The following COL23A1 variants were observed in gnomAD, a reference collection of about 807,000 sequenced individuals.
COL23A1 encodes collagen type XXIII alpha 1 chain.
In COL23A1, 97 loss-of-function variants were observed where a neutral mutation model predicts 99.3. The observed-to-expected ratio is 0.98, with a 90% CI of 0.83 to 1.16. COL23A1 has a LOEUF of 1.16. Ranked by LOEUF, COL23A1 falls within the 50% of genes most tolerant of loss-of-function variation. The pLI is 0.00. For synonymous variants in COL23A1, 320 were observed against 308.2 expected, an observed-to-expected ratio of 1.04 and a Z score of -0.40; for missense variants, 762 against 757.4, an observed-to-expected ratio of 1.01 and a Z score of -0.07.
intron 25 of COL23A1, among the ~76,000 whole-genome samples, chr5:178,244,816 TC>T (rs1764582957): frequency 6.8e-6 from 1 of 147,508 alleles, no homozygotes; most frequent in South Asian, 2.2e-4. Context: ...GGCTAATACT[TC>T]CCTTCCTCTT....
At chr5:178,454,225 C>T (rs1767645294) in intron 2 of COL23A1, among the ~76,000 whole-genome samples, 1 of 148,854 alleles carries the variant, frequency 6.7e-6, no homozygotes, top group African/African-American at 2.5e-5. Context: ...GTTAACAAAG[C>T]CAGGCGATGT....
intron 3 of COL23A1, among the ~76,000 whole-genome samples, chr5:178,291,588 A>C (rs1181165620): frequency 6.6e-6 from 1 of 152,170 alleles, no homozygotes; most frequent in Non-Finnish European, 1.5e-5. Flanking sequence ...AGGGCCAGCC[A>C]AGCCCGGGGG....
chr5:178,278,940 G>T (rs1013809411), intron 5 of COL23A1, among the ~76,000 whole-genome samples: 1 of 152,212 alleles, frequency 6.6e-6, no homozygotes, highest in South Asian at 2.1e-4. Context: ...ACAGAGTGGA[G>T]CTGAAGCAAT....
chr5:178,389,839 T>C (rs966720883), intron 2 of COL23A1, among the ~76,000 whole-genome samples: 1 of 152,170 alleles, frequency 6.6e-6, no homozygotes, highest in African/African-American at 2.4e-5. Context: ...GGTGGGCACA[T>C]GCAGGCAGTG....
chr5:178,564,330 C>T (rs1163930851), intron 1 of COL23A1, among the ~76,000 whole-genome samples: 1 of 152,114 alleles, frequency 6.6e-6, no homozygotes, highest in Non-Finnish European at 1.5e-5. Context: ...AGGCCCCTCA[C>T]TTTCTGTATC....
At chr5:178,311,548 G>A (rs989385761) in intron 2 of COL23A1, among the ~76,000 whole-genome samples, 3 of 151,586 alleles carry the variant, frequency 2.0e-5, no homozygotes, top group South Asian at 2.1e-4. Flanking sequence ...GGGCTTTAAT[G>A]TAAGTGGGTT....
At chr5:178,353,123 T>C (rs1439954219) in intron 2 of COL23A1, among the ~76,000 whole-genome samples, 2 of 152,164 alleles carry the variant, frequency 1.3e-5, no homozygotes, top group African/African-American at 4.8e-5. Context: ...AGCGTCACGT[T>C]TAATAGAAAA....
intron 3 of COL23A1, among the ~76,000 whole-genome samples, chr5:178,303,241 CT>C (rs1758170252): frequency 6.6e-6 from 1 of 152,218 alleles, no homozygotes. Context: ...CTCAAGCAAT[CT>C]ACCTGCCTCG....
At chr5:178,585,636 TCCACA>T (rs1562115174) in intron 1 of COL23A1, among the ~76,000 whole-genome samples, 9 of 3,810 alleles carry the variant, frequency 2.4e-3, no homozygotes, top group Non-Finnish European at 3.1e-3. Context: ...GGGGTAACAC[TCCACA>T]GCCCTGGATG....
chr5:178,478,229 A>G (rs1278012943), intron 2 of COL23A1, among the ~76,000 whole-genome samples: 2 of 152,194 alleles, frequency 1.3e-5, no homozygotes, highest in Non-Finnish European at 2.9e-5. Context: ...GGAAGATGCC[A>G]TCTTCACCAG....
intron 2 of COL23A1, among the ~76,000 whole-genome samples, chr5:178,392,272 A>G (rs1176247380): frequency 6.6e-6 from 1 of 152,142 alleles, no homozygotes; most frequent in East Asian, 1.9e-4. Context: ...ATAAAGCAAA[A>G]GCAATCTGAA....
rs556262006 is a variant in COL23A1, at chr5:178,242,369, T to C, written c.1466A>G (p.Lys489Arg). ...LDGFPGPRGE[K>R]GDRSERGEKG... ...CTCTCCACGCTCGCTCCGATCACCT[T>C]TCTCTCCTCGGGGTCCAGGGAAACC... The change falls in exon 26 of 29, where the codon AAA becomes AGA. Residue 489 changes from lysine to arginine, a missense_variant. Transcript: ENST00000390654. 3 of 1,614,132 alleles carry C rather than the reference T, an allele frequency of 1.9e-6. No individual in the cohort carries two copies. Among genetic ancestry groups the C allele is most frequent in the Non-Finnish European group, 1.7e-6 (2 of 1,180,016 alleles).
intron 1 of COL23A1, among the ~76,000 whole-genome samples, chr5:178,580,499 C>T (rs1218079659): frequency 6.6e-6 from 1 of 151,670 alleles, no homozygotes; most frequent in Non-Finnish European, 1.5e-5. Flanking sequence ...CGTGCTTAGT[C>T]CTGAAATATG....
At chr5:178,403,336 C>T (rs1382159221) in intron 2 of COL23A1, among the ~76,000 whole-genome samples, 1 of 152,196 alleles carries the variant, frequency 6.6e-6, no homozygotes, top group African/African-American at 2.4e-5. Context: ...TGAGCCAGAC[C>T]TGACCCAGGA....
intron 2 of COL23A1, among the ~76,000 whole-genome samples, chr5:178,320,920 A>G (rs1247837055): frequency 6.6e-6 from 1 of 152,146 alleles, no homozygotes; most frequent in Non-Finnish European, 1.5e-5. Context: ...CGCACTCCAG[A>G]GGTGGGGTGT....
At position 178,259,899 on chromosome 5, in the gene COL23A1, C is replaced by T. The variant is rs78902845; in HGVS notation, c.703-152G>A. The T allele has an allele frequency of 8.4e-3, 5,029 of 600,064 alleles. 200 individuals are homozygous for T. The highest frequency in any genetic ancestry group is 0.083 in the African/African-American group (4,479 of 53,646). 37.2% of individuals were successfully genotyped at this position (600,064 alleles called of 1,614,324 possible). A position where few individuals can be genotyped will look rare whatever the true frequency, so the allele number is the denominator to read the frequency against. On this transcript the variant is annotated intron_variant, in intron 11 of 28. Coordinates refer to ENST00000390654, the MANE Select transcript of COL23A1 (RefSeq NM_173465.4). ...CCCTGAATGCTTCAGAGAGCTGCGG[C>T]GGACAGTCTTGAATTCCACTTCTGA...
intron 2 of COL23A1, among the ~76,000 whole-genome samples, chr5:178,422,964 T>C (rs916414236): frequency 6.6e-6 from 1 of 152,062 alleles, no homozygotes; most frequent in African/African-American, 2.4e-5. Flanking sequence ...TTGAAGTTTA[T>C]TTATTTATTT....
intron 2 of COL23A1, among the ~76,000 whole-genome samples, chr5:178,362,157 T>TGA (rs1281027618): frequency 6.6e-6 from 1 of 152,136 alleles, no homozygotes; most frequent in Non-Finnish European, 1.5e-5. Flanking sequence ...ATTCAGCTGG[T>TGA]GAGAGGTGGT....
chr5:178,348,275 G>T (rs1761104862), intron 2 of COL23A1, among the ~76,000 whole-genome samples: 1 of 152,164 alleles, frequency 6.6e-6, no homozygotes, highest in African/African-American at 2.4e-5. Flanking sequence ...GGCGACTCTG[G>T]GCTATGATCA....
Sources: gnomAD v4.1 joint callset for allele counts (sites outside exome capture counted in the v4.1 genomes callset) on GRCh38, gnomAD v4.1.1 for gene constraint, MANE v1.5 for transcripts, NCBI Gene and HGNC (gene_info 2026-07-23, HGNC 2026-07-21) for gene names.